MBP: variants seen among roughly 807,000 people sequenced by gnomAD.
MBP encodes the protein Golli-MBP.
A neutral mutation model predicts 35.8 loss-of-function variants in MBP; 16 were observed. That is an observed-to-expected ratio of 0.45 (90% confidence interval 0.30 to 0.68). MBP has a LOEUF of 0.68. MBP is among the 30% of genes least tolerant of loss of function. The pLI is 0.08. For synonymous variants in MBP, 143 were observed against 159.6 expected, an observed-to-expected ratio of 0.90 and a Z score of 0.78; for missense variants, 380 against 404.7, an observed-to-expected ratio of 0.94 and a Z score of 0.52.
chr18:76,983,460 G>C (rs944988394), intron 8 of MBP: 3 of 152,200 alleles, frequency 2.0e-5, no homozygotes, highest in Non-Finnish European at 4.4e-5. Context: ...GCTCCCCGGG[G>C]AGCCTCATCT....
At chr18:77,063,962 T>C (rs1395563711) in intron 3 of MBP, among the ~76,000 whole-genome samples, 1 of 152,058 alleles carries the variant, frequency 6.6e-6, no homozygotes, top group Non-Finnish European at 1.5e-5. Flanking sequence ...CTGCCATCGT[T>C]ACGAATAATC....
intron 1 of MBP, among the ~76,000 whole-genome samples, chr18:77,119,479 A>G (rs1171931706): frequency 3.3e-5 from 5 of 152,004 alleles, no homozygotes; most frequent in Non-Finnish European, 7.4e-5. Flanking sequence ...CATGACACAC[A>G]GTAGGCACAC....
At chr18:77,110,888 T>C (rs1021215519) in intron 1 of MBP, among the ~76,000 whole-genome samples, 6 of 152,232 alleles carry the variant, frequency 3.9e-5, no homozygotes, top group African/African-American at 1.4e-4. Flanking sequence ...CTTGTGCCTC[T>C]GCTAGTAGAA....
intron 3 of MBP, among the ~76,000 whole-genome samples, chr18:77,059,485 ATAAT>A (rs1467009951): frequency 7.4e-6 from 1 of 134,660 alleles, no homozygotes; most frequent in East Asian, 2.0e-4. Flanking sequence ...CTAATTATTT[ATAAT>A]TAATTTAATT....
intron 4 of MBP, among the ~76,000 whole-genome samples, chr18:76,990,562 G>A (rs1377493971): frequency 6.6e-6 from 1 of 152,158 alleles, no homozygotes; most frequent in African/African-American, 2.4e-5. Flanking sequence ...AGCTTAGCAG[G>A]ATTCTTGGTA....
At chr18:77,120,305 C>A (rs552483658) in intron 1 of MBP, among the ~76,000 whole-genome samples, 4 of 152,326 alleles carry the variant, frequency 2.6e-5, no homozygotes, top group South Asian at 2.1e-4. Context: ...GTGACCGGCA[C>A]GGCCAGGTGA....
At chr18:77,072,360 T>C (rs1275961986) in intron 2 of MBP, among the ~76,000 whole-genome samples, 1 of 152,208 alleles carries the variant, frequency 6.6e-6, no homozygotes, top group Non-Finnish European at 1.5e-5. Context: ...ACCCAGATAT[T>C]TGCAGAAAAT....
rs756647018 is a variant in MBP at position 77,017,189 on chromosome 18, C to A, written c.219G>T (p.Pro73=). Reference sequence around the variant, plus strand: ...GGTGGGCATCCTGCCAGGCATTCTTCGGGTCCGCTGTGCGCTTGGAGTCAG... The same window carrying A: ...GGTGGGCATCCTGCCAGGCATTCTTAGGGTCCGCTGTGCGCTTGGAGTCAG... ...AVTDSKRTAD[P]KNAWQDAHPA... Residue 73 remains proline, a synonymous_variant, in exon 4 of 9, where the codon CCG becomes CCT. Transcript: ENST00000355994. 6.5e-7 allele frequency: 1 copy of A among 1,540,216 alleles called. No individual in the cohort carries two copies.
chr18:77,015,149 AT>A, intron 4 of MBP: 1 of 984,718 alleles, frequency 1.0e-6, no homozygotes, highest in South Asian at 4.7e-5. Flanking sequence ...AGTCACAATG[AT>A]TGATATCAAT....
chr18:76,989,868 G>T lies in MBP; in HGVS notation c.681+88C>A. ...GATGACCCCGGTGCCACCCCCGAGC[G>T]TACGAACGTCCTGTGTGGATGACAG... On this transcript the variant is annotated intron_variant, in intron 5 of 8. Transcript: ENST00000355994. This position sits in a 1 kb window ranked among gnomAD's most constrained non-coding sequence, Gnocchi z 4.0. 1 of 1,173,992 alleles carries T rather than the reference G, an allele frequency of 8.5e-7. No homozygotes were observed. The highest frequency in any genetic ancestry group is 1.8e-5 in the Admixed American group (1 of 57,010). 72.7% of individuals were successfully genotyped at this position (1,173,992 alleles called of 1,614,324 possible). A position where few individuals can be genotyped will look rare whatever the true frequency, so the allele number is the denominator to read the frequency against.
rs922630241 is a variant in MBP, at chr18:77,102,776, A to C, written c.51+2435T>G. 2.0e-5 allele frequency among the ~76,000 whole-genome samples: 3 copies of C among 152,226 alleles called. No homozygotes were observed. Among genetic ancestry groups the C allele is most frequent in the African/African-American group, 7.2e-5 (3 of 41,460 alleles). On this transcript the variant is annotated intron_variant, in intron 2 of 8. Transcript: ENST00000355994. This position sits in a 1 kb window ranked among gnomAD's most constrained non-coding sequence, Gnocchi z 4.4. Reference sequence around the variant, plus strand: ...TGCAAATCAGTCATTCTAAGACTTAAAATACCAACAGTGTTAACAGCCTAG... The same window carrying C: ...TGCAAATCAGTCATTCTAAGACTTACAATACCAACAGTGTTAACAGCCTAG...
In MBP at chr18:77,129,779, C is replaced by A. The variant is rs372103149; in HGVS notation, c.-26+2801G>T. On this transcript the variant is annotated intron_variant, in intron 1 of 8. Transcript: ENST00000355994. Reference sequence around the variant, plus strand: ...GCGCGGTGGCTCATGCCTGTAATCCCAGCACTTTGGGAGGCCGAGGTGGGT... The same window carrying A: ...GCGCGGTGGCTCATGCCTGTAATCCAAGCACTTTGGGAGGCCGAGGTGGGT... 2.5e-3 allele frequency among the ~76,000 whole-genome samples: 388 copies of A among 152,200 alleles called. 2 individuals carry two copies. Among genetic ancestry groups the A allele is most frequent in the African/African-American group, 8.4e-3 (348 of 41,512 alleles).
chr18:77,100,777 T>C (rs1975976977), intron 2 of MBP, among the ~76,000 whole-genome samples: 1 of 152,072 alleles, frequency 6.6e-6, no homozygotes, highest in Non-Finnish European at 1.5e-5. Context: ...GGTCTCGAAC[T>C]CCTAGGCTCA....
At chr18:77,058,195 A>C (rs2144746515) in intron 3 of MBP, among the ~76,000 whole-genome samples, 1 of 152,290 alleles carries the variant, frequency 6.6e-6, no homozygotes, top group Non-Finnish European at 1.5e-5. Context: ...GAGAAGAGGC[A>C]TCCCCTCCCC....
At chr18:77,120,712 C>T (rs1321274324) in intron 1 of MBP, among the ~76,000 whole-genome samples, 4 of 152,088 alleles carry the variant, frequency 2.6e-5, no homozygotes, top group Non-Finnish European at 4.4e-5. Flanking sequence ...ATTCGGAAAA[C>T]CACGTTACCG....
intron 4 of MBP, among the ~76,000 whole-genome samples, chr18:76,993,432 G>T (rs1599490497): frequency 6.6e-6 from 1 of 151,758 alleles, no homozygotes; most frequent in Non-Finnish European, 1.5e-5. Flanking sequence ...TGTGCCTATA[G>T]TCCCAGCTTC....
intron 3 of MBP, among the ~76,000 whole-genome samples, chr18:77,018,605 T>C (rs1474004169): frequency 1.0e-5 from 1 of 99,876 alleles, no homozygotes; most frequent in African/African-American, 4.0e-5. Flanking sequence ...CCCCTCCATC[T>C]ATCCACTCAT....
chr18:77,042,120 G>T (rs550641344), intron 3 of MBP, among the ~76,000 whole-genome samples: 1 of 151,776 alleles, frequency 6.6e-6, no homozygotes, highest in African/African-American at 2.4e-5. Flanking sequence ...AAACTGGAAA[G>T]AACTCTCATT....
At position 76,989,835 on chromosome 18, in the gene MBP, A is replaced by AC; in HGVS notation, c.681+120dup. On this transcript the variant is annotated intron_variant, in intron 5 of 8. Transcript: ENST00000355994. This position sits in a 1 kb window ranked among gnomAD's most constrained non-coding sequence, Gnocchi z 4.0. ...AGGGGGGAGTTCCCCGGCCGGCCTC[A>AC]CCCTGATGATGACCCCGGTGCCACC... 3.7e-6 allele frequency: 3 copies of AC among 808,234 alleles called. No homozygotes were observed. Among genetic ancestry groups the AC allele is most frequent in the Non-Finnish European group, 6.2e-6 (3 of 486,836 alleles). The allele number at this position is 808,234 out of a possible 1,614,324, so 50.1% of individuals were successfully genotyped here.
Sources: gnomAD v4.1 joint callset for allele counts (sites outside exome capture counted in the v4.1 genomes callset) on GRCh38, gnomAD v4.1.1 for gene constraint, Gnocchi (gnomAD v3.1) non-coding constraint, MANE v1.5 for transcripts, NCBI Gene and HGNC (gene_info 2026-07-23, HGNC 2026-07-21) for gene names.